The following TMEM266 variants were observed in gnomAD, a reference collection of about 807,000 sequenced individuals.
The protein encoded by TMEM266 is transmembrane protein 266, also known as Hv1 related protein 1.
A neutral mutation model predicts 50.5 loss-of-function variants in TMEM266; 33 were observed. That is an observed-to-expected ratio of 0.65 (90% CI 0.50 to 0.87). The LOEUF (loss-of-function observed/expected upper bound fraction) is 0.87. TMEM266 is among the 40% of genes least tolerant of loss of function. The probability of loss-of-function intolerance (pLI) is 0.00; values close to 1 mark genes in which losing one functional copy is unlikely to be tolerated. For synonymous variants in TMEM266, 310 were observed against 292.3 expected, an observed-to-expected ratio of 1.06 and a Z score of -0.62; for missense variants, 655 against 695.1, an observed-to-expected ratio of 0.94 and a Z score of 0.65.
intron 8 of TMEM266, among the ~76,000 whole-genome samples, chr15:76,183,540 G>A (rs2038452161): frequency 6.6e-6 from 1 of 152,136 alleles, no homozygotes; most frequent in African/African-American, 2.4e-5. Context: ...CTCTGCCCCC[G>A]TTTTATTGGC....
At chr15:76,081,053 TG>T (rs1157464034) in intron 1 of TMEM266, among the ~76,000 whole-genome samples, 1 of 152,176 alleles carries the variant, frequency 6.6e-6, no homozygotes, top group Admixed American at 6.5e-5. Context: ...CCCAGCACCC[TG>T]GGGATGATTC....
At chr15:76,084,619 G>A (rs1284958619) in intron 1 of TMEM266, among the ~76,000 whole-genome samples, 2 of 138,998 alleles carry the variant, frequency 1.4e-5, no homozygotes, top group African/African-American at 5.3e-5. Context: ...TTTGTTTTTT[G>A]AGACAGAGTC....
intron 8 of TMEM266, among the ~76,000 whole-genome samples, chr15:76,188,135 GATA>G (rs1196287884): frequency 1.5e-4 from 23 of 151,730 alleles, no homozygotes; most frequent in African/African-American, 5.6e-4. Context: ...AGAGGTAACT[GATA>G]ATCCTTTAAA....
intron 8 of TMEM266, among the ~76,000 whole-genome samples, chr15:76,185,512 C>T (rs2038479699): frequency 1.3e-5 from 2 of 152,192 alleles, no homozygotes; most frequent in South Asian, 2.1e-4. Context: ...AAACACTACG[C>T]TCATTTTGTC....
In TMEM266 at chr15:76,182,592, C is replaced by T. The variant is rs375602573; in HGVS notation, c.768+6918C>T. ...CTGGGAGGCAGAGCTTAAAGTGAGCCGAGATCATGCCACTGCACTCCAGCC... is the reference window on the plus strand; with the variant it reads ...CTGGGAGGCAGAGCTTAAAGTGAGCTGAGATCATGCCACTGCACTCCAGCC... On this transcript the variant is annotated intron_variant, in intron 8 of 10. Transcript: ENST00000388942. 2.6e-3 allele frequency among the ~76,000 whole-genome samples: 402 copies of T among 151,940 alleles called. 3 individuals are homozygous for T. The highest frequency in any genetic ancestry group is 9.0e-3 in the African/African-American group (372 of 41,410).
chr15:76,163,935 G>A (rs762527561), intron 5 of TMEM266, among the ~76,000 whole-genome samples: 4 of 152,208 alleles, frequency 2.6e-5, no homozygotes, highest in African/African-American at 7.2e-5. Flanking sequence ...GGACAATTCC[G>A]TGGCATTTAG....
At chr15:76,132,778 G>C (rs2037529746) in intron 1 of TMEM266, among the ~76,000 whole-genome samples, 1 of 149,394 alleles carries the variant, frequency 6.7e-6, no homozygotes, top group Non-Finnish European at 1.5e-5. Flanking sequence ...CTGGGAGATA[G>C]AGCGAGACTC....
rs151229440 is a variant in TMEM266, at chr15:76,134,172, C to G, written c.-92C>G. 470 of 1,418,200 alleles carry G rather than the reference C, an allele frequency of 3.3e-4. 1 individual carries two copies. The African/African-American group carries it at 6.0e-3, about 18-fold the overall frequency. 87.9% of individuals were successfully genotyped at this position (1,418,200 alleles called of 1,614,324 possible). The stretch of plus-strand genomic sequence containing the variant: ...AGTTCCTATTTTTGTTTTCAGGGCA[C>G]TATATTTGTATGTGTCTTGTAGAAC... On this transcript the variant is annotated 5_prime_UTR_variant, in exon 2 of 11. Coordinates refer to ENST00000388942, the MANE Select transcript of TMEM266 (RefSeq NM_152335.3).
chr15:76,157,241 T>C (rs1031017759), intron 4 of TMEM266, among the ~76,000 whole-genome samples: 1 of 152,170 alleles, frequency 6.6e-6, no homozygotes, highest in African/African-American at 2.4e-5. Context: ...TTTATACGTA[T>C]CGTGATAGTT....
At chr15:76,063,437 C>T (rs909803210) in intron 1 of TMEM266, among the ~76,000 whole-genome samples, 1 of 152,184 alleles carries the variant, frequency 6.6e-6, no homozygotes, top group African/African-American at 2.4e-5. Context: ...ACACTGGCCT[C>T]CTTGCTGTAC....
At chr15:76,124,009 G>A (rs886134095) in intron 1 of TMEM266, among the ~76,000 whole-genome samples, 4 of 152,014 alleles carry the variant, frequency 2.6e-5, no homozygotes, top group Admixed American at 6.5e-5. Flanking sequence ...CACCGTGTCC[G>A]GTCCCAAGGG....
intron 8 of TMEM266, among the ~76,000 whole-genome samples, chr15:76,189,532 C>T (rs1475147153): frequency 6.6e-6 from 1 of 152,022 alleles, no homozygotes; most frequent in African/African-American, 2.4e-5. Context: ...AAAGTGCTCA[C>T]AGAGGAGGAC....
chr15:76,106,193 C>T (rs917732436), intron 1 of TMEM266, among the ~76,000 whole-genome samples: 5 of 152,062 alleles, frequency 3.3e-5, no homozygotes, highest in African/African-American at 1.2e-4. Context: ...CAGGTACCTG[C>T]CACGTGCACG....
chr15:76,061,501 C>T (rs1011520155), intron 1 of TMEM266, among the ~76,000 whole-genome samples: 3 of 152,202 alleles, frequency 2.0e-5, no homozygotes, highest in African/African-American at 7.2e-5. Context: ...GGTGCGGCTG[C>T]TCCGTGTACC....
intron 1 of TMEM266, among the ~76,000 whole-genome samples, chr15:76,073,511 G>A (rs772560006): frequency 3.9e-5 from 6 of 152,228 alleles, no homozygotes; most frequent in Non-Finnish European, 5.9e-5. Context: ...GGGATTACAG[G>A]TGTGAGCCAC....
intron 1 of TMEM266, among the ~76,000 whole-genome samples, chr15:76,110,483 G>A (rs755920914): frequency 6.6e-6 from 1 of 152,118 alleles, no homozygotes; most frequent in Non-Finnish European, 1.5e-5. Context: ...TGTATTTTAT[G>A]TGTGGCCTAG....
At chr15:76,192,842 C>A (rs1284290221) in intron 9 of TMEM266, among the ~76,000 whole-genome samples, 1 of 152,200 alleles carries the variant, frequency 6.6e-6, no homozygotes, top group Non-Finnish European at 1.5e-5. Context: ...ACTGAGGCTT[C>A]CTCACAGGGC....
chr15:76,154,536 T>G (rs1384248818), intron 3 of TMEM266, among the ~76,000 whole-genome samples: 2 of 152,054 alleles, frequency 1.3e-5, no homozygotes, highest in Non-Finnish European at 2.9e-5. Flanking sequence ...AACCCTCTCT[T>G]TTGACCTGGC....
intron 1 of TMEM266, among the ~76,000 whole-genome samples, chr15:76,076,665 T>A (rs889837744): frequency 2.6e-5 from 4 of 151,998 alleles, no homozygotes; most frequent in African/African-American, 9.7e-5. Context: ...TTAGGCAAGA[T>A]CATGAGCAGG....
Sources: gnomAD v4.1 joint callset for allele counts (sites outside exome capture counted in the v4.1 genomes callset) on GRCh38, gnomAD v4.1.1 for gene constraint, MANE v1.5 for transcripts, NCBI Gene and HGNC (gene_info 2026-07-23, HGNC 2026-07-21) for gene names.